The following ASB2 variants were observed in gnomAD, a reference collection of about 807,000 sequenced individuals.
The protein encoded by ASB2 is ankyrin repeat and SOCS box protein 2.
In ASB2, 58 loss-of-function variants were observed where a neutral mutation model predicts 62.4. The observed-to-expected ratio is 0.93, with a 90% CI of 0.75 to 1.16. The LOEUF is 1.16. Among genes scored for constraint, ASB2 ranks in the 50% most tolerant of loss-of-function variants. The pLI is 0.00. For missense variants in ASB2, 928 were observed against 887.9 expected, an observed-to-expected ratio of 1.05 and a Z score of -0.57; for synonymous variants, 386 against 385.3, an observed-to-expected ratio of 1.00 and a Z score of -0.02.
intron 2 of ASB2, among the ~76,000 whole-genome samples, chr14:93,961,667 T>G (rs1232832764): frequency 6.6e-6 from 1 of 152,128 alleles, no homozygotes; most frequent in Non-Finnish European, 1.5e-5. Context: ...AAGGGTGACA[T>G]CCTATTGCTA....
At chr14:93,939,743 G>T in intron 7 of ASB2, 71 bp from the exon 8 acceptor site, 1 of 1,241,646 alleles carries the variant, frequency 8.1e-7, no homozygotes, top group Non-Finnish European at 1.0e-6. Flanking sequence ...GGCCCCGCCA[G>T]CAGGAGAGCT....
chr14:93,939,034 G>C, intron 8 of ASB2, 74 bp downstream of exon 8: 1 of 1,305,972 alleles, frequency 7.7e-7, no homozygotes, highest in Non-Finnish European at 1.0e-6. Flanking sequence ...GGCCCCGCCC[G>C]CCTCCCATGC....
intron 2 of ASB2, 35 bp from the exon 3 acceptor site, chr14:93,956,905 A>C: frequency 1.2e-6 from 2 of 1,613,886 alleles, no homozygotes; most frequent in South Asian, 2.2e-5. Context: ...AAGAGGGAAA[A>C]GTACTCTGCA....
At chr14:93,940,346 G>GACTT (rs1888468291) in intron 7 of ASB2, 1 of 152,252 alleles carries the variant, frequency 6.6e-6, no homozygotes, top group Non-Finnish European at 1.5e-5. Context: ...GAAGAGTCAA[G>GACTT]ACTCTGAGAG....
At chr14:93,971,435 G>A (rs1361345505) in intron 1 of ASB2, among the ~76,000 whole-genome samples, 1 of 152,208 alleles carries the variant, frequency 6.6e-6, no homozygotes, top group Non-Finnish European at 1.5e-5. Flanking sequence ...ATTTCTGCAC[G>A]AGGTGACTGC....
At chr14:93,965,053 ACCAT>A (rs1567031785) in intron 1 of ASB2, among the ~76,000 whole-genome samples, 1 of 152,090 alleles carries the variant, frequency 6.6e-6, no homozygotes, top group Non-Finnish European at 1.5e-5. Flanking sequence ...TATCCGTCCA[ACCAT>A]CCATCCAACT....
At chr14:93,955,358 G>C (rs1327061235) in intron 3 of ASB2, 1 of 351,432 alleles carries the variant, frequency 2.8e-6, no homozygotes, top group African/African-American at 2.1e-5. Context: ...AGACTCTGTG[G>C]TTATTAATGG....
At chr14:93,937,982 C>G in intron 8 of ASB2, 131 bp from the exon 9 acceptor site, 1 of 929,964 alleles carries the variant, frequency 1.1e-6, no homozygotes, top group Non-Finnish European at 1.6e-6. Flanking sequence ...TGAACCATGT[C>G]CCCTCAACAC....
At position 93,953,645 on chromosome 14, in the gene ASB2, T is replaced by C; in HGVS notation, c.479-138A>G. 4.1e-6 allele frequency: 3 copies of C among 738,798 alleles called. No homozygotes were observed. In the South Asian group the frequency reaches 7.7e-5, roughly 19 times the overall value. 45.8% of individuals were successfully genotyped at this position (738,798 alleles called of 1,614,324 possible). A position where few individuals can be genotyped will look rare whatever the true frequency, so the allele number is the denominator to read the frequency against. On this transcript the variant is annotated intron_variant, in intron 4 of 9. Transcript: ENST00000555019. ...ATTTACCAACTACAGACTGCATTCA[T>C]CTGGCCCTTTCACAGGGCCATTTTA...
intron 2 of ASB2, among the ~76,000 whole-genome samples, chr14:93,962,138 G>A (rs1230497069): frequency 1.7e-4 from 10 of 57,672 alleles, no homozygotes; most frequent in Non-Finnish European, 2.9e-4. Flanking sequence ...TTTTTGAGAT[G>A]GAGTCTCGCT....
intron 1 of ASB2, among the ~76,000 whole-genome samples, chr14:93,973,773 G>C (rs1889830411): frequency 6.6e-6 from 1 of 152,178 alleles, no homozygotes; most frequent in Non-Finnish European, 1.5e-5. Flanking sequence ...CCCATATTCT[G>C]CCCAGGCACT....
intron 1 of ASB2, among the ~76,000 whole-genome samples, chr14:93,967,510 A>G (rs567576151): frequency 3.9e-5 from 6 of 152,372 alleles, no homozygotes; most frequent in Middle Eastern, 3.4e-3. Context: ...ACAAGGGGGA[A>G]GAGCACTGCA....
intron 5 of ASB2, among the ~76,000 whole-genome samples, chr14:93,951,944 C>T (rs1888986509): frequency 6.6e-6 from 1 of 152,230 alleles, no homozygotes; most frequent in African/African-American, 2.4e-5. Flanking sequence ...GTGCCCTTGG[C>T]TCTGGCCCCA....
chr14:93,952,848 C>A (rs1889021325), intron 5 of ASB2, among the ~76,000 whole-genome samples: 1 of 152,256 alleles, frequency 6.6e-6, no homozygotes, highest in Admixed American at 6.5e-5. Context: ...CTAGGGCAGC[C>A]AACAAATGTC....
intron 9 of ASB2, among the ~76,000 whole-genome samples, chr14:93,937,335 C>T (rs1444394782): frequency 6.6e-6 from 1 of 152,202 alleles, no homozygotes; most frequent in Non-Finnish European, 1.5e-5. Context: ...GACCACCATC[C>T]TCCCCTCTCC....
intron 3 of ASB2, 57 bp from the exon 4 acceptor site, chr14:93,954,540 GC>G: frequency 1.3e-6 from 2 of 1,549,524 alleles, no homozygotes; most frequent in Non-Finnish European, 1.8e-6. Flanking sequence ...AGGCCAGGGG[GC>G]CTCTCTCTCA....
intron 5 of ASB2, among the ~76,000 whole-genome samples, chr14:93,951,613 C>A (rs1888971912): frequency 6.6e-6 from 1 of 152,214 alleles, no homozygotes; most frequent in Non-Finnish European, 1.5e-5. Context: ...TGCCCAAAGT[C>A]ACACAGATAC....
intron 6 of ASB2, 64 bp downstream of exon 6, chr14:93,950,935 C>G: frequency 6.4e-7 from 1 of 1,554,498 alleles, no homozygotes; most frequent in Non-Finnish European, 8.7e-7. Flanking sequence ...TTAGAGCTGA[C>G]CTCTGACATC....
intron 3 of ASB2, among the ~76,000 whole-genome samples, chr14:93,955,954 T>C (rs1889179496): frequency 6.6e-6 from 1 of 152,076 alleles, no homozygotes; most frequent in Non-Finnish European, 1.5e-5. Flanking sequence ...CTTTTCCAGA[T>C]TGTCAACCAC....
Sources: allele counts gnomAD v4.1 joint callset (sites outside exome capture counted in the v4.1 genomes callset), GRCh38; gene constraint gnomAD v4.1.1; transcripts MANE v1.5; gene names NCBI Gene and HGNC (gene_info 2026-07-23, HGNC 2026-07-21).